The following STON1 variants were observed in gnomAD, a reference collection of about 807,000 sequenced individuals.
STON1 encodes stonin 1, also known as stonin-1.
A neutral mutation model predicts 60.9 loss-of-function variants in STON1; 79 were observed. That is an observed-to-expected ratio of 1.30 (90% CI 1.08 to 1.56). The LOEUF (loss-of-function observed/expected upper bound fraction) is 1.56, where lower values mean the gene tolerates loss of function less well. STON1 is among the 40% of genes most tolerant of loss of function. STON1 has a pLI of 0.00. For synonymous variants in STON1, 363 were observed against 306.9 expected, an observed-to-expected ratio of 1.18 and a Z score of -1.91; for missense variants, 1,166 against 858.9, an observed-to-expected ratio of 1.36 and a Z score of -4.47.
chr2:48,595,448 C>A lies in STON1; in HGVS notation c.*146C>A, dbSNP rs943095431. 2 of 643,566 alleles carry A rather than the reference C, an allele frequency of 3.1e-6. No homozygotes were observed. The highest frequency in any genetic ancestry group is 3.7e-5 in the African/African-American group (2 of 53,634). 39.9% of individuals were successfully genotyped at this position (643,566 alleles called of 1,614,324 possible). ...ATGGCTGTGTTTAGAGAAGTTTAGACCTAAAACCGAACAATCTGTATTTTT... is the reference window on the plus strand; with the variant it reads ...ATGGCTGTGTTTAGAGAAGTTTAGAACTAAAACCGAACAATCTGTATTTTT... On this transcript the variant is annotated 3_prime_UTR_variant, in exon 4 of 4. Transcript: ENST00000404752.
At chr2:48,567,930 C>G (rs550283608) in intron 1 of STON1, among the ~76,000 whole-genome samples, 1 of 151,938 alleles carries the variant, frequency 6.6e-6, no homozygotes, top group South Asian at 2.1e-4. Context: ...GAGTCTGGCG[C>G]TATAGGGAGT....
intron 1 of STON1, among the ~76,000 whole-genome samples, chr2:48,539,829 T>A (rs80197649): frequency 0.089 from 13,489 of 152,056 alleles, 775 homozygotes; most frequent in Middle Eastern, 0.13. Context: ...GGCCACTCAT[T>A]TTCTACTCTT....
rs532941850 is a variant in STON1 at position 48,589,029 on chromosome 2, C to T, written c.1931-2624C>T. 2.0e-4 allele frequency among the ~76,000 whole-genome samples: 30 copies of T among 152,188 alleles called. No homozygotes were observed. In the South Asian group the frequency reaches 4.8e-3, roughly 24 times the overall value. On this transcript the variant is annotated intron_variant, in intron 2 of 3. Coordinates refer to ENST00000404752, the MANE Select transcript of STON1 (RefSeq NM_006873.4). ...AAGACAAATGAGGATGCTGGTTAGC[C>T]AGAGGAGGTGTATATGGTGGCACAG...
intron 1 of STON1, among the ~76,000 whole-genome samples, chr2:48,580,124 T>C (rs1173980525): frequency 6.6e-6 from 1 of 152,142 alleles, no homozygotes; most frequent in East Asian, 1.9e-4. Flanking sequence ...GCCAGACTGC[T>C]CTCGAACTGC....
chr2:48,566,860 G>T (rs1373319804), intron 1 of STON1, among the ~76,000 whole-genome samples: 1 of 152,176 alleles, frequency 6.6e-6, no homozygotes, highest in African/African-American at 2.4e-5. Flanking sequence ...TCGAGCCATT[G>T]GAAGCAATAT....
At chr2:48,592,317 C>CTAT (rs1468481253) in intron 3 of STON1, among the ~76,000 whole-genome samples, 4 of 152,074 alleles carry the variant, frequency 2.6e-5, no homozygotes, top group Middle Eastern at 3.4e-3. Context: ...AACTCATTGG[C>CTAT]TATTGTGTCT....
At chr2:48,531,285 T>G (rs763681288) in intron 1 of STON1, 1 of 151,768 alleles carries the variant, frequency 6.6e-6, no homozygotes, top group Non-Finnish European at 1.5e-5. Flanking sequence ...CCCTCCCAAC[T>G]CCCCCACCCC....
chr2:48,585,642 C>T (rs1322357373), intron 2 of STON1, among the ~76,000 whole-genome samples: 1 of 152,164 alleles, frequency 6.6e-6, no homozygotes, highest in Admixed American at 6.5e-5. Flanking sequence ...ATACAAGGTT[C>T]CAAATGGTCT....
At chr2:48,570,648 C>T (rs966298395) in intron 1 of STON1, among the ~76,000 whole-genome samples, 1 of 151,988 alleles carries the variant, frequency 6.6e-6, no homozygotes, top group Admixed American at 6.6e-5. Context: ...TGTGTGCCTA[C>T]TTTTAATTTC....
rs539280848 is a variant in STON1 at position 48,564,122 on chromosome 2, A to G, written c.-47-16465A>G. ...TTTCTGATAAGGATTTCTCAAAGGCATTTGACCATGGGTATTTTCTCCACA... is the reference window on the plus strand; with the variant it reads ...TTTCTGATAAGGATTTCTCAAAGGCGTTTGACCATGGGTATTTTCTCCACA... On this transcript the variant is annotated intron_variant, in intron 1 of 3. Transcript: ENST00000404752. 3.9e-5 allele frequency among the ~76,000 whole-genome samples: 6 copies of G among 152,324 alleles called. No homozygotes were observed. The South Asian group carries it at 1.2e-3, about 32-fold the overall frequency.
At chr2:48,579,205 A>G (rs1472913155) in intron 1 of STON1, among the ~76,000 whole-genome samples, 1 of 151,664 alleles carries the variant, frequency 6.6e-6, no homozygotes, top group Non-Finnish European at 1.5e-5. Flanking sequence ...GGGTTTCTCC[A>G]TGTTGGCCAG....
chr2:48,544,865 A>C (rs1671802337), intron 1 of STON1, among the ~76,000 whole-genome samples: 1 of 152,202 alleles, frequency 6.6e-6, no homozygotes. Context: ...TGATGCTACA[A>C]ACCTTGTTTT....
rs199808169 is a variant in STON1, at chr2:48,575,755, G to GTTTTTTTTTTTTTTTTTTTTTTTTT, written c.-47-4829_-47-4828insTTTTTTTTTTTTTTTTTTTTTTTTT. ...TATGGTAGTTCTATTTTTAGTTTTT[G>GTTTTTTTTTTTTTTTTTTTTTTTTT]TTTGTTTTTTTTTTTTTTTTGAGAT... On this transcript the variant is annotated intron_variant, in intron 1 of 3. Coordinates refer to ENST00000404752, the MANE Select transcript of STON1 (RefSeq NM_006873.4). Among the ~76,000 whole-genome samples the GTTTTTTTTTTTTTTTTTTTTTTTTT allele has an allele frequency of 1.2e-4, 13 of 109,736 alleles. 4 individuals are homozygous for GTTTTTTTTTTTTTTTTTTTTTTTTT. The highest frequency in any genetic ancestry group is 1.7e-4 in the Non-Finnish European group (9 of 54,404). The allele number at this position is 109,736 out of a possible 152,430, so 72.0% of individuals were successfully genotyped here.
rs1674775408 is a variant in STON1, at chr2:48,596,187, A to G, written c.*885A>G. The G allele has an allele frequency of 6.6e-6, 1 of 152,250 alleles. No homozygotes were observed. The highest frequency in any genetic ancestry group is 1.5e-5 in the Non-Finnish European group (1 of 68,038). The allele number at this position is 152,250 out of a possible 1,614,324, so 9.4% of individuals were successfully genotyped here. Reference sequence around the variant, plus strand: ...TAATGAACACAAGCCTCTCTTGAGTAGAAGTCTAAATCACATTATGATTAT... The same window carrying G: ...TAATGAACACAAGCCTCTCTTGAGTGGAAGTCTAAATCACATTATGATTAT... On this transcript the variant is annotated 3_prime_UTR_variant, in exon 4 of 4. Coordinates refer to ENST00000404752, the MANE Select transcript of STON1 (RefSeq NM_006873.4).
In STON1 at chr2:48,538,047, G is replaced by A. The variant is rs1187439171; in HGVS notation, c.-48+7831G>A. ...TGGCTCACTGCAACCTCCGACTCCC[G>A]GGTTCAAGCAATTCTCCTGCCTCAG... On this transcript the variant is annotated intron_variant, in intron 1 of 3. Coordinates refer to ENST00000404752, the MANE Select transcript of STON1 (RefSeq NM_006873.4). Among the ~76,000 whole-genome samples the A allele has an allele frequency of 2.0e-5, 3 of 151,422 alleles. No homozygotes were observed. In the East Asian group the frequency reaches 5.9e-4, roughly 30 times the overall value.
chr2:48,567,783 C>G (rs1673010449), intron 1 of STON1, among the ~76,000 whole-genome samples: 1 of 152,190 alleles, frequency 6.6e-6, no homozygotes, highest in South Asian at 2.1e-4. Context: ...TGGCCTGTCC[C>G]TGACTTTGGC....
chr2:48,559,613 C>T (rs891326366), intron 1 of STON1, among the ~76,000 whole-genome samples: 5 of 152,204 alleles, frequency 3.3e-5, no homozygotes, highest in South Asian at 2.1e-4. Context: ...ATCCTTGTTT[C>T]ACACCTGAGA....
At position 48,539,664 on chromosome 2, in the gene STON1, G is replaced by T. The variant is rs146969168; in HGVS notation, c.-48+9448G>T. On this transcript the variant is annotated intron_variant, in intron 1 of 3. Transcript: ENST00000404752. ...CTACAGGGGCATGCCAGCACACCAG[G>T]CTAATTTTTGTATTTTTAGTAGAAA... Among the ~76,000 whole-genome samples, 55 of 152,116 alleles carry T rather than the reference G, an allele frequency of 3.6e-4. 1 individual carries two copies. In the East Asian group the frequency reaches 0.01, roughly 29 times the overall value.
intron 1 of STON1, among the ~76,000 whole-genome samples, chr2:48,533,074 G>T (rs1415586559): frequency 6.6e-6 from 1 of 151,976 alleles, no homozygotes. Context: ...GCAACAAAGT[G>T]AGACCCCATC....
Sources: allele counts gnomAD v4.1 joint callset (sites outside exome capture counted in the v4.1 genomes callset), GRCh38; gene constraint gnomAD v4.1.1; transcripts MANE v1.5; gene names NCBI Gene and HGNC (gene_info 2026-07-23, HGNC 2026-07-21).